The following RSBN1L variants were observed in gnomAD, a reference collection of about 807,000 sequenced individuals.
The protein encoded by RSBN1L is lysine-specific demethylase RSBN1L.
RSBN1L carries 30 observed loss-of-function variants against 67.7 expected under a neutral mutation model. That is an observed-to-expected ratio of 0.44 (90% CI 0.33 to 0.60). RSBN1L has a LOEUF of 0.60. Ranked by LOEUF, RSBN1L falls within the 20% of genes least tolerant of loss-of-function variation. The pLI is 0.02. For missense variants in RSBN1L, 992 were observed against 1,031.7 expected, an observed-to-expected ratio of 0.96 and a Z score of 0.53; for synonymous variants, 433 against 387.0, an observed-to-expected ratio of 1.12 and a Z score of -1.39.
Position 77,697,046 on chromosome 7 carries a change from C to G in RSBN1L, c.577C>G (p.Leu193Val). 6.7e-7 allele frequency: 1 copy of G among 1,491,970 alleles called. No individual in the cohort carries two copies. Among genetic ancestry groups the G allele is most frequent in the Non-Finnish European group, 8.9e-7 (1 of 1,123,400 alleles). The allele number at this position is 1,491,970 out of a possible 1,614,324, so 92.4% of individuals were successfully genotyped here. A position where few individuals can be genotyped will look rare whatever the true frequency, so the allele number is the denominator to read the frequency against. Residue 193 changes from leucine (L) to valine (V), a missense_variant, in exon 1 of 8, where the codon CTG becomes GTG. Around this residue, in one of 7 missense-constraint regions of RSBN1L, gnomAD observed 575 missense variants for 483.2 expected, o/e 1.19. Transcript: ENST00000334955. The stretch of plus-strand genomic sequence containing the variant: ...GGAGGAGAACGGGGAGGTGAAGCCG[C>G]TGCCCCGAGGTGGGTGCCGTGCGGG... The part of the protein sequence containing the change: ...SREENGEVKP[L>V]PRDKIKDKIK...
chr7:77,764,765 T>C (rs565255808), intron 3 of RSBN1L, among the ~76,000 whole-genome samples: 1 of 152,228 alleles, frequency 6.6e-6, no homozygotes, highest in Non-Finnish European at 1.5e-5. Context: ...TAGCTGGGAC[T>C]ACAGGCGCGC....
intron 1 of RSBN1L, among the ~76,000 whole-genome samples, chr7:77,712,393 G>T (rs1790987388): frequency 6.6e-6 from 1 of 151,338 alleles, no homozygotes; most frequent in South Asian, 2.1e-4. Context: ...CCATTTTCCT[G>T]CCTCTGCCTC....
At chr7:77,698,272 TG>T (rs1335733464) in intron 1 of RSBN1L, among the ~76,000 whole-genome samples, 3 of 152,236 alleles carry the variant, frequency 2.0e-5, no homozygotes, top group Non-Finnish European at 1.5e-5. Context: ...TTTCAGCTTC[TG>T]GGAGTGTTGT....
intron 6 of RSBN1L, among the ~76,000 whole-genome samples, chr7:77,776,579 C>T (rs1019428197): frequency 2.6e-5 from 4 of 152,156 alleles, no homozygotes; most frequent in Non-Finnish European, 5.9e-5. Flanking sequence ...GAAGGTTATT[C>T]CATATAGTTT....
chr7:77,737,521 C>T (rs1290901821), intron 2 of RSBN1L, among the ~76,000 whole-genome samples: 1 of 152,164 alleles, frequency 6.6e-6, no homozygotes, highest in Non-Finnish European at 1.5e-5. Context: ...GTCAGAACTT[C>T]ATTTTCTACG....
intron 1 of RSBN1L, among the ~76,000 whole-genome samples, chr7:77,727,955 A>G (rs1014129023): frequency 5.3e-5 from 8 of 152,072 alleles, no homozygotes; most frequent in Admixed American, 2.0e-4. Flanking sequence ...TTACTTATGT[A>G]TCCATTGCTT....
At chr7:77,751,899 A>G (rs1245389057) in intron 3 of RSBN1L, among the ~76,000 whole-genome samples, 1 of 152,176 alleles carries the variant, frequency 6.6e-6, no homozygotes, top group African/African-American at 2.4e-5. Flanking sequence ...CAATACCACA[A>G]ACTTTCTTGC....
intron 6 of RSBN1L, among the ~76,000 whole-genome samples, chr7:77,776,946 T>A (rs1273025377): frequency 6.6e-6 from 1 of 151,980 alleles, no homozygotes; most frequent in African/African-American, 2.4e-5. Context: ...ACCATTTTGC[T>A]TTTTCCAATT....
intron 2 of RSBN1L, among the ~76,000 whole-genome samples, chr7:77,739,777 T>G (rs1332957656): frequency 3.4e-5 from 3 of 87,586 alleles, no homozygotes; most frequent in Non-Finnish European, 6.2e-5. Flanking sequence ...TTGAGAGGAG[T>G]CTTGCTCTGT....
intron 1 of RSBN1L, among the ~76,000 whole-genome samples, chr7:77,702,189 A>G (rs1790827697): frequency 6.8e-6 from 1 of 148,056 alleles, no homozygotes; most frequent in Non-Finnish European, 1.5e-5. Flanking sequence ...GCTGGTCTCC[A>G]ACTCCTGACC....
rs1195707696 is a variant in RSBN1L, at chr7:77,718,911, C to T, written c.587-17499C>T. Among the ~76,000 whole-genome samples, 4 of 152,278 alleles carry T rather than the reference C, an allele frequency of 2.6e-5. No homozygotes were observed. In the East Asian group the frequency reaches 7.7e-4, roughly 29 times the overall value. The stretch of plus-strand genomic sequence containing the variant: ...GTCTGGTATGGAAGGTCCAAGATGA[C>T]TTTACTCACGTGCCTGTTGCTGTGT... On this transcript the variant is annotated intron_variant, in intron 1 of 7. Coordinates refer to ENST00000334955, the MANE Select transcript of RSBN1L (RefSeq NM_198467.3).
chr7:77,781,266 A>G lies in RSBN1L; in HGVS notation c.*2098A>G, dbSNP rs1791994171. 6.6e-6 allele frequency: 1 copy of G among 152,186 alleles called. No individual in the cohort carries two copies. Among genetic ancestry groups the G allele is most frequent in the African/African-American group, 2.4e-5 (1 of 41,440 alleles). The allele number at this position is 152,186 out of a possible 1,614,324, so 9.4% of individuals were successfully genotyped here. On this transcript the variant is annotated 3_prime_UTR_variant, in exon 8 of 8. Coordinates refer to ENST00000334955, the MANE Select transcript of RSBN1L (RefSeq NM_198467.3). ...TGGGATAGGGAAGGTATAAATCAAGATAGTAAGGGTTTTGTTTTATATGTC... is the reference window on the plus strand; with the variant it reads ...TGGGATAGGGAAGGTATAAATCAAGGTAGTAAGGGTTTTGTTTTATATGTC...
intron 2 of RSBN1L, 67 bp from the exon 3 acceptor site, chr7:77,749,357 C>T (rs897399379): frequency 1.7e-6 from 2 of 1,208,456 alleles, no homozygotes; most frequent in African/African-American, 3.1e-5. Context: ...TTAGACAAAA[C>T]TGTTCCTAAA....
At chr7:77,725,835 C>T (rs577077929) in intron 1 of RSBN1L, among the ~76,000 whole-genome samples, 1 of 152,014 alleles carries the variant, frequency 6.6e-6, no homozygotes, top group Non-Finnish European at 1.5e-5. Context: ...GGTCATCCGC[C>T]TGCCTCCCAA....
intron 1 of RSBN1L, among the ~76,000 whole-genome samples, chr7:77,705,018 TATA>T (rs1790868708): frequency 6.6e-6 from 1 of 151,628 alleles, no homozygotes; most frequent in African/African-American, 2.4e-5. Context: ...AATGTATAAA[TATA>T]AGAGTGAGAT....
At position 77,781,889 on chromosome 7, in the gene RSBN1L, G is replaced by A. The variant is rs1792004036; in HGVS notation, c.*2721G>A. On this transcript the variant is annotated 3_prime_UTR_variant, in exon 8 of 8. Coordinates refer to ENST00000334955, the MANE Select transcript of RSBN1L (RefSeq NM_198467.3). ...AATCCCAGCTACTTGGGAGGCTGAG[G>A]CAGGGGAATTGCTTGAACCCGGGAG... is the stretch of plus-strand genomic sequence containing the variant. 1 of 151,054 alleles carries A rather than the reference G, an allele frequency of 6.6e-6. No homozygotes were observed. The highest frequency in any genetic ancestry group is 2.1e-4 in the South Asian group (1 of 4,808). 9.4% of individuals were successfully genotyped at this position (151,054 alleles called of 1,614,324 possible).
chr7:77,751,250 C>T (rs1791552829), intron 3 of RSBN1L, among the ~76,000 whole-genome samples: 1 of 152,112 alleles, frequency 6.6e-6, no homozygotes, highest in South Asian at 2.1e-4. Context: ...AGCGATTCTC[C>T]TGATTCAGCC....
At chr7:77,720,876 C>T (rs1791110035) in intron 1 of RSBN1L, among the ~76,000 whole-genome samples, 1 of 150,722 alleles carries the variant, frequency 6.6e-6, no homozygotes. Context: ...CATCCCTCAG[C>T]CTCCTGAGTA....
In RSBN1L at chr7:77,719,112, CTTTG is replaced by C. The variant is rs561899307; in HGVS notation, c.587-17297_587-17294del. ...AACAGCAAGTCTTCTTATGACTTAG[CTTTG>C]GAAGTCTGAACCAATTTCTCACTGC... is the stretch of plus-strand genomic sequence containing the variant. On this transcript the variant is annotated intron_variant, in intron 1 of 7. Transcript: ENST00000334955. Among the ~76,000 whole-genome samples the C allele has an allele frequency of 2.4e-3, 358 of 152,310 alleles. 2 individuals carry two copies. The highest frequency in any genetic ancestry group is 8.1e-3 in the African/African-American group (338 of 41,572).
Sources: gnomAD v4.1 joint callset for allele counts (sites outside exome capture counted in the v4.1 genomes callset) on GRCh38, gnomAD v4.1.1 for gene constraint, gnomAD v4.1.1 regional missense constraint, MANE v1.5 for transcripts, NCBI Gene and HGNC (gene_info 2026-07-23, HGNC 2026-07-21) for gene names.